PLD5: variants seen among roughly 807,000 people sequenced by gnomAD.
PLD5 encodes the protein inactive phospholipase D5.
In PLD5, 36 loss-of-function variants were observed where a neutral mutation model predicts 61.1. That is an observed-to-expected ratio of 0.59 (90% confidence interval 0.45 to 0.78). The LOEUF (loss-of-function observed/expected upper bound fraction) is 0.78. PLD5 is among the 30% of genes least tolerant of loss of function. The pLI is 0.00. For synonymous variants in PLD5, 243 were observed against 242.8 expected, an observed-to-expected ratio of 1.00 and a Z score of -0.01; for missense variants, 515 against 644.4, an observed-to-expected ratio of 0.80 and a Z score of 2.17.
At chr1:242,353,989 A>G (rs1388522617) in intron 1 of PLD5, among the ~76,000 whole-genome samples, 1 of 149,718 alleles carries the variant, frequency 6.7e-6, no homozygotes, top group Non-Finnish European at 1.5e-5. Flanking sequence ...TTGTTGATAA[A>G]CTCTAACAGT....
chr1:242,500,762 A>T lies in PLD5; in HGVS notation c.189+23326T>A, dbSNP rs570881365. ...TTGAGGGAGACAGGATGTAGTCCGT[A>T]ATAAGGTGGACTATGAAAAGAAAGG... On this transcript the variant is annotated intron_variant, in intron 1 of 9. Transcript: ENST00000536534. Among the ~76,000 whole-genome samples the T allele has an allele frequency of 6.6e-5, 10 of 151,928 alleles. No individual in the cohort carries two copies. In the South Asian group the frequency reaches 2.1e-3, roughly 31 times the overall value.
chr1:242,494,878 CTG>C (rs1354715557), intron 1 of PLD5, among the ~76,000 whole-genome samples: 1 of 135,890 alleles, frequency 7.4e-6, no homozygotes, highest in African/African-American at 2.8e-5. Context: ...TTTTTCTTTT[CTG>C]TTTTTTTTTT....
intron 5 of PLD5, among the ~76,000 whole-genome samples, chr1:242,157,752 A>T (rs1017386030): frequency 2.6e-5 from 4 of 151,890 alleles, no homozygotes; most frequent in African/African-American, 9.7e-5. Flanking sequence ...CTCCTGGATG[A>T]GGTGTCTGGG....
intron 9 of PLD5, among the ~76,000 whole-genome samples, chr1:242,099,191 G>A (rs996571113): frequency 5.3e-5 from 8 of 151,872 alleles, no homozygotes; most frequent in East Asian, 1.9e-4. Context: ...GCATGATCTC[G>A]GCTCACTGCA....
intron 1 of PLD5, among the ~76,000 whole-genome samples, chr1:242,410,620 T>C (rs1664495337): frequency 1.3e-5 from 2 of 152,144 alleles, no homozygotes; most frequent in Admixed American, 1.3e-4. Flanking sequence ...CACTGAACAT[T>C]CATCAGCAAA....
At chr1:242,439,103 C>T (rs115525349) in intron 1 of PLD5, among the ~76,000 whole-genome samples, 220 of 152,298 alleles carry the variant, frequency 1.4e-3, no homozygotes, top group African/African-American at 5.0e-3. Context: ...TGGCATAGCG[C>T]TTAAGAGCTA....
intron 8 of PLD5, among the ~76,000 whole-genome samples, chr1:242,102,765 C>G (rs1392177546): frequency 6.6e-6 from 1 of 152,032 alleles, no homozygotes; most frequent in African/African-American, 2.4e-5. Context: ...AGCTTCTTGC[C>G]CATCTAGGCT....
At chr1:242,497,070 AT>A (rs1470943897) in intron 1 of PLD5, among the ~76,000 whole-genome samples, 1 of 152,200 alleles carries the variant, frequency 6.6e-6, no homozygotes, top group Non-Finnish European at 1.5e-5. Context: ...CCTCATACAA[AT>A]CCAGGAGCTG....
chr1:242,329,894 G>A (rs1659066245), intron 2 of PLD5, among the ~76,000 whole-genome samples: 1 of 152,142 alleles, frequency 6.6e-6, no homozygotes, highest in South Asian at 2.1e-4. Flanking sequence ...CAAGTGTTGA[G>A]TATCTTAGCT....
At chr1:242,378,628 G>A (rs1200654645) in intron 1 of PLD5, among the ~76,000 whole-genome samples, 2 of 152,060 alleles carry the variant, frequency 1.3e-5, no homozygotes, top group Admixed American at 1.3e-4. Flanking sequence ...ATCACTTGAG[G>A]CCAAGTGTTC....
rs978077706 is a variant in PLD5, at chr1:242,085,218, A to T, written c.*4636T>A. 1.3e-5 allele frequency: 2 copies of T among 152,186 alleles called. No homozygotes were observed. The highest frequency in any genetic ancestry group is 2.9e-5 in the Non-Finnish European group (2 of 68,018). 9.4% of individuals were successfully genotyped at this position (152,186 alleles called of 1,614,324 possible). A position where few individuals can be genotyped will look rare whatever the true frequency, so the allele number is the denominator to read the frequency against. Reference sequence around the variant, plus strand: ...TGAACATAGCAAAAGAAAATGTGTAATAGTCTATTAAATGTAACTTTTTTT... The same window carrying T: ...TGAACATAGCAAAAGAAAATGTGTATTAGTCTATTAAATGTAACTTTTTTT... On this transcript the variant is annotated 3_prime_UTR_variant, in exon 10 of 10. Transcript: ENST00000536534.
chr1:242,474,636 C>A (rs1041496816), intron 1 of PLD5, among the ~76,000 whole-genome samples: 1 of 152,164 alleles, frequency 6.6e-6, no homozygotes, highest in Non-Finnish European at 1.5e-5. Flanking sequence ...TTGCTTAAAA[C>A]CCTCTAGTAA....
Position 242,089,982 on chromosome 1 carries a change from A to G in PLD5, c.1483T>C (p.Tyr495His), listed in dbSNP as rs1224439112. 1 of 1,614,072 alleles carries G rather than the reference A, an allele frequency of 6.2e-7. No individual in the cohort carries two copies. Among genetic ancestry groups the G allele is most frequent in the Non-Finnish European group, 8.5e-7 (1 of 1,180,052 alleles). ...TGTAAGGTTTTGGCATACGGTGAAT[A>G]CCAGTCCCTTTCAAACACATCTTTA... ...QLKDVFERDWYSPYAKTLQPT... is the reference protein window; with the variant it reads ...QLKDVFERDWHSPYAKTLQPT... Residue 495 changes from tyrosine to histidine, a missense_variant, in exon 10 of 10, where the codon TAT (tyrosine) becomes CAT (histidine). Physicochemically the swap from Tyr to His is moderately conservative, Grantham distance 83 (BLOSUM62 2). Around this residue, in one of 2 missense-constraint regions of PLD5, gnomAD observed 450 missense variants for 598.1 expected, o/e 0.75. Coordinates refer to ENST00000536534, the MANE Select transcript of PLD5 (RefSeq NM_001372062.1).
At chr1:242,267,773 G>C (rs1436478676) in intron 3 of PLD5, among the ~76,000 whole-genome samples, 1 of 150,706 alleles carries the variant, frequency 6.6e-6, no homozygotes, top group Non-Finnish European at 1.5e-5. Context: ...TGTAGTCCCT[G>C]CTACTCAGGA....
chr1:242,357,489 C>CT (rs1274414654), intron 1 of PLD5, among the ~76,000 whole-genome samples: 6,733 of 139,458 alleles, frequency 0.048, 253 homozygotes, highest in African/African-American at 0.11. Context: ...GACATTTTTT[C>CT]TTTTTTTTTT....
chr1:242,377,334 T>C, intron 1 of PLD5: 1 of 1,606,596 alleles, frequency 6.2e-7, no homozygotes, highest in Non-Finnish European at 8.5e-7. Context: ...GATTTTCAGC[T>C]TTTTCAGTGG....
rs146859982 is a variant in PLD5, at chr1:242,142,677, G to A, written c.736-18012C>T. Among the ~76,000 whole-genome samples, 30 of 152,194 alleles carry A rather than the reference G, an allele frequency of 2.0e-4. 2 individuals carry two copies. Among genetic ancestry groups the A allele is most frequent in the Admixed American group, 1.4e-3 (21 of 15,282 alleles). On this transcript the variant is annotated intron_variant, in intron 5 of 9. Coordinates refer to ENST00000536534, the MANE Select transcript of PLD5 (RefSeq NM_001372062.1). ...AGGATTTTTAACCTCTGGATCATGC[G>A]TGGAGTACAAATGCTGTAAGGTGTA...
At position 242,089,454 on chromosome 1, in the gene PLD5, A is replaced by C; in HGVS notation, c.*400T>G. On this transcript the variant is annotated 3_prime_UTR_variant, in exon 10 of 10. Coordinates refer to ENST00000536534, the MANE Select transcript of PLD5 (RefSeq NM_001372062.1). The stretch of plus-strand genomic sequence containing the variant: ...TTTATCAGTCTCTTCTCCAAGGCAA[A>C]ATCCTCACCTTCCTCTCTAAATCAA... 1 of 428,344 alleles carries C rather than the reference A, an allele frequency of 2.3e-6. No homozygotes were observed. Among genetic ancestry groups the C allele is most frequent in the Non-Finnish European group, 4.1e-6 (1 of 243,714 alleles). The allele number at this position is 428,344 out of a possible 1,614,324, so 26.5% of individuals were successfully genotyped here.
chr1:242,289,945 G>T lies in PLD5; in HGVS notation c.327-1415C>A, dbSNP rs1020961634. 1.3e-4 allele frequency among the ~76,000 whole-genome samples: 20 copies of T among 149,392 alleles called. 1 individual carries two copies. Among genetic ancestry groups the T allele is most frequent in the Middle Eastern group, 3.4e-3 (1 of 292 alleles). ...AACCCAAAATATTATAACCAGAATGGGCTCTGGGTATGTGGCTCAGATAAA... is the reference window on the plus strand; with the variant it reads ...AACCCAAAATATTATAACCAGAATGTGCTCTGGGTATGTGGCTCAGATAAA... On this transcript the variant is annotated intron_variant, in intron 2 of 9. Coordinates refer to ENST00000536534, the MANE Select transcript of PLD5 (RefSeq NM_001372062.1).
Sources: allele counts gnomAD v4.1 joint callset (sites outside exome capture counted in the v4.1 genomes callset), GRCh38; gene constraint gnomAD v4.1.1; regional missense constraint gnomAD v4.1.1; transcripts MANE v1.5; gene names NCBI Gene and HGNC (gene_info 2026-07-23, HGNC 2026-07-21).